Variants in TCF7 observed in about 807,000 individuals in gnomAD.
The protein encoded by TCF7 is T-cell-factor-7.
In TCF7, 19 loss-of-function variants were observed where a neutral mutation model predicts 46.8. That is an observed-to-expected ratio of 0.41 (90% confidence interval 0.28 to 0.60). The LOEUF is 0.60. TCF7 is among the 20% of genes least tolerant of loss of function. TCF7 has a pLI of 0.35. For synonymous variants in TCF7, 245 were observed against 213.4 expected (o/e 1.15, Z -1.29); for missense variants, 547 against 504.6 (o/e 1.08, Z -0.81).
At position 134,146,574 on chromosome 5, in the gene TCF7, A is replaced by T. The variant is rs1760740476; in HGVS notation, c.*271A>T. On this transcript the variant is annotated 3_prime_UTR_variant, in exon 10 of 10. Transcript: ENST00000342854. ...GGAGCCTACCCCCTGAAAGTGACAG[A>T]GACCCAGATCTCATGGAAACTGGCC... 1.4e-6 allele frequency: 1 copy of T among 705,822 alleles called. No homozygotes were observed. The allele number at this position is 705,822 out of a possible 1,614,324, so 43.7% of individuals were successfully genotyped here.
At chr5:134,133,728 C>T (rs1758468494) in intron 3 of TCF7, among the ~76,000 whole-genome samples, 1 of 152,166 alleles carries the variant, frequency 6.6e-6, no homozygotes, top group Admixed American at 6.5e-5. Flanking sequence ...CTCCAGCTGC[C>T]AGTGAGTTCT....
rs149417339 is a variant in TCF7, at chr5:134,115,961, C to T, written c.369C>T (p.Ser123=). ...GCATGTACAAAGAGACCGTCTACTC[C>T]GCCTTCAATCTGCTCATGCATTACC... The part of the protein sequence containing the change: ...TSGMYKETVY[S]AFNLLMHYPP... Residue 123 remains serine, a synonymous_variant, in exon 3 of 10, where the codon TCC becomes TCT. Coordinates refer to ENST00000342854, the MANE Select transcript of TCF7 (RefSeq NM_003202.5). 5,509 of 1,614,032 alleles carry T rather than the reference C, an allele frequency of 3.4e-3. 8 individuals carry two copies. The highest frequency in any genetic ancestry group is 4.0e-3 in the Non-Finnish European group (4,773 of 1,180,022).
chr5:134,145,683 T>C (rs1760588789), intron 9 of TCF7: 6 of 1,582,716 alleles, frequency 3.8e-6, no homozygotes, highest in South Asian at 3.4e-5. Flanking sequence ...CACATACATA[T>C]GCACGGTGGG....
rs1267448433 is a variant in TCF7 at position 134,114,784 on chromosome 5, G to C, written c.-123G>C. ...CAGCCCGCCCAGGCGGAGTCAGCCCGCGCTCCGCCCGCCGCGATCCGAGCT... is the reference window on the plus strand; with the variant it reads ...CAGCCCGCCCAGGCGGAGTCAGCCCCCGCTCCGCCCGCCGCGATCCGAGCT... On this transcript the variant is annotated 5_prime_UTR_variant, in exon 1 of 10. Transcript: ENST00000342854. The C allele has an allele frequency of 3.3e-6, 3 of 922,704 alleles. No individual in the cohort carries two copies. The highest frequency in any genetic ancestry group is 3.9e-6 in the Non-Finnish European group (3 of 774,696). 57.2% of individuals were successfully genotyped at this position (922,704 alleles called of 1,614,324 possible). A position where few individuals can be genotyped will look rare whatever the true frequency, so the allele number is the denominator to read the frequency against.
At chr5:134,144,616 T>C (rs757923378) in intron 9 of TCF7, 4 of 594,308 alleles carry the variant, frequency 6.7e-6, no homozygotes, top group Non-Finnish European at 9.1e-6. Context: ...ATCTTGGCTC[T>C]GGGCTCTTGG....
intron 4 of TCF7, 54 bp from the exon 5 acceptor site, chr5:134,138,897 G>A: frequency 6.2e-7 from 1 of 1,606,756 alleles, no homozygotes. Context: ...AGTAACTGCT[G>A]ATATGGCCTG....
intron 3 of TCF7, among the ~76,000 whole-genome samples, chr5:134,125,001 C>G (rs1757149993): frequency 6.6e-6 from 1 of 152,208 alleles, no homozygotes. Context: ...ATCTGTGAAC[C>G]TCTCTAGGTC....
chr5:134,132,820 G>C (rs977859191), intron 3 of TCF7, among the ~76,000 whole-genome samples: 1 of 152,176 alleles, frequency 6.6e-6, no homozygotes, highest in Non-Finnish European at 1.5e-5. Context: ...ACTACCTCAG[G>C]AGTCTCCGTT....
Position 134,143,599 on chromosome 5 carries a change from A to G in TCF7, c.1034A>G (p.Lys345Arg). The change falls in exon 9 of 10, where the codon AAG becomes AGG. Residue 345 changes from lysine to arginine, a missense_variant. Transcript: ENST00000342854. ...TCCTTTTGTTCCCTGCAGGGGAAGA[A>G]GAAGAGGCGGTCGAGGGAAAAGCAC... Reference protein sequence around the residue: ...GWSARDNYGKKKRRSREKHQE... With the variant: ...GWSARDNYGKRKRRSREKHQE... 6.2e-7 allele frequency: 1 copy of G among 1,614,144 alleles called. No homozygotes were observed.
chr5:134,115,639 C>T, intron 2 of TCF7: 1 of 1,432,540 alleles, frequency 7.0e-7, no homozygotes, highest in Non-Finnish European at 9.1e-7. Context: ...AGGTGACTGA[C>T]TAATCCGCCG....
At chr5:134,112,781 T>A (rs998413397), upstream of TCF7, among the ~76,000 whole-genome samples, 1 of 152,198 alleles carries the variant, frequency 6.6e-6, no homozygotes, top group Non-Finnish European at 1.5e-5. Context: ...GTTTTAACCT[T>A]ATTGAGAAAA....
Position 134,143,299 on chromosome 5 carries a change from C to G in TCF7, c.1026+199C>G, listed in dbSNP as rs777693390. The G allele has an allele frequency of 5.7e-5, 43 of 757,092 alleles. No homozygotes were observed. In the South Asian group the frequency reaches 5.9e-4, roughly 10 times the overall value. The allele number at this position is 757,092 out of a possible 1,614,324, so 46.9% of individuals were successfully genotyped here. A position where few individuals can be genotyped will look rare whatever the true frequency, so the allele number is the denominator to read the frequency against. On this transcript the variant is annotated intron_variant, in intron 8 of 9. Coordinates refer to ENST00000342854, the MANE Select transcript of TCF7 (RefSeq NM_003202.5). ...CCTATTCTCCACTCCAGAATATGCT[C>G]ACACATGAGCTGTTACCCAACATTT...
rs1010612257 is a variant in TCF7 at position 134,115,042 on chromosome 5, C to T, written c.136C>T (p.Arg46Cys). The change falls in exon 1 of 10, where the codon CGC becomes TGC. Residue 46 changes from arginine to cysteine, a missense_variant. Around this residue, in one of 3 missense-constraint regions of TCF7, gnomAD observed 425 missense variants for 349.9 expected, o/e 1.21. Transcript: ENST00000342854. ...CCGCGACAGCGCCGCCGGTCCCGAG[C>T]GCGACCTGGCCGAGCTCAAGTCGTC... ...KSRDSAAGPE[R>C]DLAELKSSLV... is the part of the protein sequence containing the mutation. The T allele has an allele frequency of 2.4e-6, 3 of 1,237,396 alleles. No individual in the cohort carries two copies. The highest frequency in any genetic ancestry group is 1.6e-5 in the African/African-American group (1 of 62,288). 76.7% of individuals were successfully genotyped at this position (1,237,396 alleles called of 1,614,324 possible).
intron 3 of TCF7, among the ~76,000 whole-genome samples, chr5:134,137,059 G>C (rs1758963074): frequency 6.6e-6 from 1 of 152,244 alleles, no homozygotes; most frequent in Non-Finnish European, 1.5e-5. Context: ...CCTGCAGCCA[G>C]GTCTTCCTGG....
chr5:134,127,166 A>G (rs1757460338), intron 3 of TCF7, among the ~76,000 whole-genome samples: 1 of 152,180 alleles, frequency 6.6e-6, no homozygotes, highest in African/African-American at 2.4e-5. Context: ...AGCTGGACCC[A>G]GCTGGATTCC....
At chr5:134,131,436 C>T (rs1334074295) in intron 3 of TCF7, among the ~76,000 whole-genome samples, 1 of 152,232 alleles carries the variant, frequency 6.6e-6, no homozygotes, top group East Asian at 1.9e-4. Flanking sequence ...TCTGGTCAGC[C>T]TCTGCTCTGG....
At chr5:134,115,464 G>A in intron 2 of TCF7, 77 bp downstream of exon 2, 4 of 1,525,616 alleles carry the variant, frequency 2.6e-6, no homozygotes, top group South Asian at 2.4e-5. Flanking sequence ...GCCAAGGACC[G>A]CGGGGAGCCG....
intron 3 of TCF7, among the ~76,000 whole-genome samples, chr5:134,120,366 T>G (rs244935): frequency 0.11 from 16,363 of 152,068 alleles, 1,258 homozygotes; most frequent in East Asian, 0.39. Flanking sequence ...CAGAGTCAGA[T>G]CACATCTCTC....
upstream of TCF7, among the ~76,000 whole-genome samples, chr5:134,110,972 C>T (rs556640362): frequency 5.3e-5 from 8 of 152,332 alleles, no homozygotes; most frequent in Non-Finnish European, 1.0e-4. Flanking sequence ...TAACAACTTC[C>T]GAAAAATATC....
Sources: allele counts gnomAD v4.1 joint callset (sites outside exome capture counted in the v4.1 genomes callset), GRCh38; gene constraint gnomAD v4.1.1; regional missense constraint gnomAD v4.1.1; transcripts MANE v1.5; gene names NCBI Gene and HGNC (gene_info 2026-07-23, HGNC 2026-07-21).